The following HECW2 variants were observed in gnomAD, a reference collection of about 807,000 sequenced individuals.
HECW2 encodes HECT, C2 and WW domain containing E3 ubiquitin protein ligase 2.
A neutral mutation model predicts 175.2 loss-of-function variants in HECW2; 61 were observed. The ratio of observed to expected loss-of-function variants is 0.35; its 90% CI spans 0.28 to 0.43. The LOEUF is 0.43. Ranked by LOEUF, HECW2 falls within the 20% of genes least tolerant of loss-of-function variation. The probability of loss-of-function intolerance (pLI) is 1.00; values close to 1 mark genes in which losing one functional copy is unlikely to be tolerated. For synonymous variants in HECW2, 671 were observed against 731.0 expected, an observed-to-expected ratio of 0.92 and a Z score of 1.32; for missense variants, 1,524 against 2,000.5, an observed-to-expected ratio of 0.76 and a Z score of 4.54.
At chr2:196,432,894 A>G (rs1695756180) in intron 2 of HECW2, among the ~76,000 whole-genome samples, 1 of 152,218 alleles carries the variant, frequency 6.6e-6, no homozygotes, top group Non-Finnish European at 1.5e-5. Context: ...TAACACCTGC[A>G]GGTTCTGAAG....
chr2:196,580,482 A>T (rs944978192), intron 1 of HECW2, among the ~76,000 whole-genome samples: 3 of 152,158 alleles, frequency 2.0e-5, no homozygotes, highest in Non-Finnish European at 4.4e-5. Flanking sequence ...AAAACTCAAC[A>T]ATAAAAAGAC....
intron 15 of HECW2, among the ~76,000 whole-genome samples, chr2:196,274,810 A>G (rs764538171): frequency 3.3e-5 from 5 of 152,254 alleles, no homozygotes; most frequent in Non-Finnish European, 5.9e-5. Flanking sequence ...CATACACACA[A>G]GTAGATAACC....
chr2:196,417,261 A>G (rs2125239041), intron 2 of HECW2, among the ~76,000 whole-genome samples: 1 of 152,360 alleles, frequency 6.6e-6, no homozygotes, highest in Non-Finnish European at 1.5e-5. Flanking sequence ...CTAGCATTCA[A>G]TTTCCTTAAA....
intron 1 of HECW2, among the ~76,000 whole-genome samples, chr2:196,479,566 T>C (rs143398379): frequency 0.012 from 1,844 of 152,320 alleles, 41 homozygotes; most frequent in African/African-American, 0.042. Context: ...ACTGGATCAC[T>C]GGACCACAGC....
chr2:196,477,809 TG>T (rs1019667080), intron 1 of HECW2, among the ~76,000 whole-genome samples: 1 of 152,142 alleles, frequency 6.6e-6, no homozygotes, highest in Non-Finnish European at 1.5e-5. Flanking sequence ...CCCAGCATTT[TG>T]GGAGGCTGAG....
intron 3 of HECW2, among the ~76,000 whole-genome samples, chr2:196,337,104 A>G (rs777716917): frequency 2.0e-5 from 3 of 152,194 alleles, no homozygotes; most frequent in Non-Finnish European, 4.4e-5. Context: ...ATGTTTTAGA[A>G]CATCATACAA....
rs184063618 is a variant in HECW2, at chr2:196,500,761, G to C, written c.-35-67303C>G. On this transcript the variant is annotated intron_variant, in intron 1 of 28. Transcript: ENST00000644978. ...GAAAACAACTTATCTAGACTATACT[G>C]GATTTCAAGGACAACCTACCACACC... Among the ~76,000 whole-genome samples, 90 of 152,274 alleles carry C rather than the reference G, an allele frequency of 5.9e-4. No homozygotes were observed. The East Asian group carries it at 9.3e-3, about 16-fold the overall frequency.
chr2:196,278,305 G>T (rs4850391), intron 15 of HECW2, among the ~76,000 whole-genome samples: 105,160 of 145,964 alleles, frequency 0.72, 39,587 homozygotes, highest in East Asian at 0.98. Flanking sequence ...CTTAAATTTC[G>T]TCAGTTTTGC....
chr2:196,210,884 A>G (rs973409259), intron 28 of HECW2, among the ~76,000 whole-genome samples: 12 of 152,146 alleles, frequency 7.9e-5, no homozygotes, highest in African/African-American at 2.9e-4. Flanking sequence ...TTGGACTCCC[A>G]AAGTGCTGGG....
chr2:196,322,114 T>A (rs1691965102), intron 7 of HECW2, among the ~76,000 whole-genome samples: 2 of 152,162 alleles, frequency 1.3e-5, no homozygotes, highest in African/African-American at 4.8e-5. Flanking sequence ...AGTAACAAGT[T>A]CTCTGGATGG....
intron 2 of HECW2, among the ~76,000 whole-genome samples, chr2:196,394,163 A>AG (rs948142831): frequency 2.2e-5 from 3 of 134,436 alleles, no homozygotes; most frequent in African/African-American, 5.8e-5. Flanking sequence ...GAGGGGGGAG[A>AG]GGGGGGAGGG....
At position 196,205,376 on chromosome 2, in the gene HECW2, A is replaced by G. The variant is rs544297261; in HGVS notation, c.4608-3988T>C. On this transcript the variant is annotated intron_variant, in intron 28 of 28. Coordinates refer to ENST00000644978, the MANE Select transcript of HECW2 (RefSeq NM_001348768.2). ...TCATTCTTTTACTTTTGGAAGCCTG[A>G]GTATTAATTTTATCCTACCTCTGAC... Among the ~76,000 whole-genome samples, 113 of 152,336 alleles carry G rather than the reference A, an allele frequency of 7.4e-4. 1 individual carries two copies. The highest frequency in any genetic ancestry group is 2.7e-3 in the African/African-American group (112 of 41,562).
chr2:196,398,668 A>G (rs916061037), intron 2 of HECW2, among the ~76,000 whole-genome samples: 2 of 152,028 alleles, frequency 1.3e-5, no homozygotes, highest in African/African-American at 4.8e-5. Context: ...CCACACCACC[A>G]TTTCTCACCT....
Position 196,522,858 on chromosome 2 carries a change from A to AC in HECW2, c.-36+70649dup, listed in dbSNP as rs1470645895. Among the ~76,000 whole-genome samples the AC allele has an allele frequency of 4.4e-3, 675 of 151,956 alleles. 16 individuals carry two copies. Among genetic ancestry groups the AC allele is most frequent in the Admixed American group, 0.039 (594 of 15,128 alleles). ...TCTATATCTCAGTTTTGGTACCAGT[A>AC]CATGCTGTTTTGGTTACTGTAGCCT... On this transcript the variant is annotated intron_variant, in intron 1 of 28. Coordinates refer to ENST00000644978, the MANE Select transcript of HECW2 (RefSeq NM_001348768.2).
At chr2:196,431,801 G>A (rs1695721659) in intron 2 of HECW2, among the ~76,000 whole-genome samples, 1 of 152,170 alleles carries the variant, frequency 6.6e-6, no homozygotes, top group African/African-American at 2.4e-5. Flanking sequence ...GGAAAAAAAA[G>A]AGAGATAACA....
intron 19 of HECW2, among the ~76,000 whole-genome samples, chr2:196,243,700 C>T (rs1219526766): frequency 2.0e-5 from 3 of 151,982 alleles, no homozygotes; most frequent in African/African-American, 7.3e-5. Flanking sequence ...CTGCCTCAGC[C>T]TCCCGAGTAG....
intron 23 of HECW2, among the ~76,000 whole-genome samples, chr2:196,222,647 A>G (rs1356547269): frequency 2.0e-5 from 3 of 152,202 alleles, no homozygotes; most frequent in Non-Finnish European, 4.4e-5. Flanking sequence ...GTCATCCATC[A>G]TCAATGCCAG....
intron 19 of HECW2, 139 bp from the exon 20 acceptor site, chr2:196,242,343 A>G: frequency 9.0e-7 from 1 of 1,109,222 alleles, no homozygotes; most frequent in East Asian, 2.6e-5. Flanking sequence ...TGATTTCTGC[A>G]AGTTGAAGGA....
Position 196,307,922 on chromosome 2 carries a change from T to C in HECW2, c.2585+13A>G, listed in dbSNP as rs375273613. 7 of 1,513,246 alleles carry C rather than the reference T, an allele frequency of 4.6e-6. No individual in the cohort carries two copies. The highest frequency in any genetic ancestry group is 2.8e-5 in the African/African-American group (2 of 72,692). The allele number at this position is 1,513,246 out of a possible 1,614,324, so 93.7% of individuals were successfully genotyped here. ...ACAAAATACAACAGTCACAGCAAAA[T>C]GTTCATCCTCACCGCCGGTTCAGCT... On this transcript the variant is annotated intron_variant, in intron 11 of 28. Transcript: ENST00000644978.
Sources: gnomAD v4.1 joint callset for allele counts (sites outside exome capture counted in the v4.1 genomes callset) on GRCh38, gnomAD v4.1.1 for gene constraint, MANE v1.5 for transcripts, NCBI Gene and HGNC (gene_info 2026-07-23, HGNC 2026-07-21) for gene names.